Variants in SLC39A10 observed in about 807,000 individuals in gnomAD.
The protein encoded by SLC39A10 is zinc transporter ZIP10.
SLC39A10 carries 13 observed loss-of-function variants against 65.1 expected under a neutral mutation model. The ratio of observed to expected loss-of-function variants is 0.20; its 90% CI spans 0.13 to 0.32. SLC39A10 has a LOEUF of 0.32. Among genes scored for constraint, SLC39A10 ranks in the 10% least tolerant of loss-of-function variants. The pLI, the probability that SLC39A10 is intolerant of heterozygous loss-of-function variation, is 1.00. For synonymous variants in SLC39A10, 321 were observed against 342.2 expected (o/e 0.94, Z 0.68); for missense variants, 831 against 1,018.4 (o/e 0.82, Z 2.50).
chr2:195,680,658 C>T lies in SLC39A10; in HGVS notation c.616C>T (p.Arg206Cys), dbSNP rs768563641. 2.1e-5 allele frequency: 34 copies of T among 1,613,930 alleles called. No individual in the cohort carries two copies. The highest frequency in any genetic ancestry group is 2.5e-5 in the Non-Finnish European group (29 of 1,180,020). Residue 206 changes from arginine to cysteine, a missense_variant, in exon 2 of 10, where the codon CGT (arginine) becomes TGT (cysteine). Coordinates refer to ENST00000359634, the MANE Select transcript of SLC39A10 (RefSeq NM_020342.3). Reference protein sequence around the residue: ...FHNDSITPSERGEPSNEPSTE... With the variant: ...FHNDSITPSECGEPSNEPSTE... ...TAATGATTCCATTACTCCCAGTGAGCGTGGGGAGCCTAGCAATGAACCTTC... is the reference window on the plus strand; with the variant it reads ...TAATGATTCCATTACTCCCAGTGAGTGTGGGGAGCCTAGCAATGAACCTTC...
chr2:195,615,990 G>A (rs113282291), intron 2 of SLC39A10, among the ~76,000 whole-genome samples: 4,448 of 152,110 alleles, frequency 0.029, 90 homozygotes, highest in Middle Eastern at 0.058. Context: ...GCAGTTTCCC[G>A]GTTCGCCCAG....
chr2:195,695,052 G>T (rs949903235), intron 3 of SLC39A10, among the ~76,000 whole-genome samples: 1 of 152,148 alleles, frequency 6.6e-6, no homozygotes, highest in Non-Finnish European at 1.5e-5. Flanking sequence ...AGGAAGAAGA[G>T]GGGCCAGGCT....
intron 3 of SLC39A10, among the ~76,000 whole-genome samples, chr2:195,692,526 A>G (rs2105789310): frequency 6.6e-6 from 1 of 152,218 alleles, no homozygotes; most frequent in Middle Eastern, 3.4e-3. Flanking sequence ...GTCTTTCAGC[A>G]CTGTTTTATA....
intron 2 of SLC39A10, among the ~76,000 whole-genome samples, chr2:195,632,665 G>T (rs1688613019): frequency 6.6e-6 from 1 of 152,070 alleles, no homozygotes; most frequent in African/African-American, 2.4e-5. Flanking sequence ...ACGATTCATG[G>T]TTTCATCCAT....
intron 3 of SLC39A10, among the ~76,000 whole-genome samples, chr2:195,695,517 C>G (rs72913236): frequency 0.015 from 2,256 of 152,264 alleles, 31 homozygotes; most frequent in Non-Finnish European, 0.022. Flanking sequence ...GAGAACTGCC[C>G]GAGATCACCA....
At chr2:195,652,059 C>T (rs1559015942), upstream of SLC39A10, among the ~76,000 whole-genome samples, 2 of 152,024 alleles carry the variant, frequency 1.3e-5, no homozygotes. Flanking sequence ...AATACATGTA[C>T]GATGTACATT....
chr2:195,653,510 G>T (rs1049185751), upstream of SLC39A10, among the ~76,000 whole-genome samples: 4 of 152,106 alleles, frequency 2.6e-5, no homozygotes, highest in Admixed American at 6.5e-5. Flanking sequence ...TGGCCAGCTG[G>T]TCTCGAACTC....
intron 2 of SLC39A10, among the ~76,000 whole-genome samples, chr2:195,633,288 C>G (rs571280429): frequency 6.6e-6 from 1 of 152,256 alleles, no homozygotes; most frequent in African/African-American, 2.4e-5. Flanking sequence ...TGCGCTCAAC[C>G]CCTCGTGGGA....
In SLC39A10 at chr2:195,703,021, T is replaced by C. The variant is rs192451887; in HGVS notation, c.1217-3595T>C. ...TGGGAAAATGCTGCATATTGTATTCTTCTTTCAGAGATTCACATTGCTTAT... is the reference window on the plus strand; with the variant it reads ...TGGGAAAATGCTGCATATTGTATTCCTCTTTCAGAGATTCACATTGCTTAT... On this transcript the variant is annotated intron_variant, in intron 3 of 9. Transcript: ENST00000359634. Among the ~76,000 whole-genome samples the C allele has an allele frequency of 9.2e-5, 14 of 152,344 alleles. 1 individual carries two copies. In the East Asian group the frequency reaches 2.7e-3, roughly 29 times the overall value.
rs774988017 is a variant in SLC39A10, at chr2:195,728,274, G to C, written c.2262G>C (p.Gln754His). ...TGCTCATAGGCACAGCTGTTGGTCAGTATGCCAATAACATCACACTTTGGA... is the reference window on the plus strand; with the variant it reads ...TGCTCATAGGCACAGCTGTTGGTCACTATGCCAATAACATCACACTTTGGA... ...IGMLIGTAVG[Q>H]YANNITLWIF... Residue 754 changes from glutamine (Q) to histidine (H), a missense_variant, in exon 9 of 10, where the codon CAG (glutamine) becomes CAC (histidine). Physicochemically the swap from Gln to His is conservative, Grantham distance 24. Coordinates refer to ENST00000359634, the MANE Select transcript of SLC39A10 (RefSeq NM_020342.3). The surrounding 1 kb of genome is among the most constrained non-coding windows in gnomAD (Gnocchi z 4.4). 6.2e-7 allele frequency: 1 copy of C among 1,614,064 alleles called. No individual in the cohort carries two copies. The highest frequency in any genetic ancestry group is 1.7e-5 in the Admixed American group (1 of 60,026).
Position 195,728,496 on chromosome 2 carries a change from T to C in SLC39A10, c.2337+147T>C, listed in dbSNP as rs752243287. The C allele has an allele frequency of 1.4e-6, 1 of 740,620 alleles. No individual in the cohort carries two copies. The highest frequency in any genetic ancestry group is 2.7e-5 in the South Asian group (1 of 36,974). 45.9% of individuals were successfully genotyped at this position (740,620 alleles called of 1,614,324 possible). ...AATCTCTTAAGGAAGGACATTTAAG[T>C]AGGAGGTTTCCTTTTATGGAAACCA... On this transcript the variant is annotated intron_variant, in intron 9 of 9. Transcript: ENST00000359634. The surrounding 1 kb of genome is among the most constrained non-coding windows in gnomAD (Gnocchi z 4.4).
In SLC39A10 at chr2:195,728,915, T is replaced by C. The variant is rs1692334939; in HGVS notation, c.2337+566T>C. 1.6e-5 allele frequency among the ~76,000 whole-genome samples: 1 copy of C among 62,054 alleles called. No individual in the cohort carries two copies. The highest frequency in any genetic ancestry group is 5.9e-5 in the African/African-American group (1 of 17,032). The allele number at this position is 62,054 out of a possible 152,430, so 40.7% of individuals were successfully genotyped here. A position where few individuals can be genotyped will look rare whatever the true frequency, so the allele number is the denominator to read the frequency against. ...TTTTATGTTTGTTTGTTTGACTAGA[T>C]AGGACATTTACTTTTTTTTTTCTGG... is the stretch of plus-strand genomic sequence containing the variant. On this transcript the variant is annotated intron_variant, in intron 9 of 9. Transcript: ENST00000359634. This position sits in a 1 kb window ranked among gnomAD's most constrained non-coding sequence, Gnocchi z 4.4.
intron 1 of SLC39A10, among the ~76,000 whole-genome samples, chr2:195,667,964 A>G (rs1353516332): frequency 2.0e-5 from 3 of 152,252 alleles, no homozygotes; most frequent in Non-Finnish European, 4.4e-5. Context: ...TTACCATAAA[A>G]TAGAACAGAA....
chr2:195,695,744 T>C (rs1690931852), intron 3 of SLC39A10, among the ~76,000 whole-genome samples: 1 of 152,222 alleles, frequency 6.6e-6, no homozygotes, highest in Non-Finnish European at 1.5e-5. Flanking sequence ...TCCGCCATCT[T>C]AATCCGTAAT....
chr2:195,639,510 A>G (rs1024040699), intron 2 of SLC39A10, among the ~76,000 whole-genome samples: 3 of 152,160 alleles, frequency 2.0e-5, no homozygotes, highest in African/African-American at 7.2e-5. Context: ...TCTAGACTGT[A>G]CTTTTTCAAA....
chr2:195,677,956 T>C (rs547105787), intron 1 of SLC39A10, among the ~76,000 whole-genome samples: 1 of 152,250 alleles, frequency 6.6e-6, no homozygotes, highest in South Asian at 2.1e-4. Flanking sequence ...CCATGTTTGC[T>C]AGGCCTGTCT....
chr2:195,681,107 A>C (rs1188867951), intron 2 of SLC39A10, 57 bp downstream of exon 2: 5 of 1,512,200 alleles, frequency 3.3e-6, no homozygotes, highest in Non-Finnish European at 3.6e-6. Context: ...ATTGTGGTGC[A>C]TTTTAAAAAC....
chr2:195,713,542 A>G lies in SLC39A10; in HGVS notation c.1685A>G (p.Lys562Arg), dbSNP rs1220432356. The stretch of plus-strand genomic sequence containing the variant: ...CCAGATTCTGACTGGCTTCAACTCA[A>G]GCCTCTTGCCGGTAGACAGCAATTC... ...NTPDSDWLQL[K>R]PLAGTDDSVV... The change falls in exon 6 of 10, where the codon AAG becomes AGG. Residue 562 changes from lysine (K) to arginine (R), a missense_variant. Physicochemically the swap from Lys to Arg is conservative, Grantham distance 26. This residue lies in a region of SLC39A10 where 230 missense variants were observed against 242.9 expected (regional missense o/e 0.95). Coordinates refer to ENST00000359634, the MANE Select transcript of SLC39A10 (RefSeq NM_020342.3). 2 of 1,559,690 alleles carry G rather than the reference A, an allele frequency of 1.3e-6. No individual in the cohort carries two copies. Among genetic ancestry groups the G allele is most frequent in the South Asian group, 1.2e-5 (1 of 80,572 alleles).
intron 2 of SLC39A10, among the ~76,000 whole-genome samples, chr2:195,626,938 C>T (rs149111788): frequency 1.3e-4 from 20 of 152,224 alleles, no homozygotes; most frequent in Non-Finnish European, 2.8e-4. Context: ...CCTGGAGATA[C>T]GGTTTCTCTC....
Sources: gnomAD v4.1 joint callset for allele counts (sites outside exome capture counted in the v4.1 genomes callset) on GRCh38, gnomAD v4.1.1 for gene constraint, gnomAD v4.1.1 regional missense constraint, Gnocchi (gnomAD v3.1) non-coding constraint, MANE v1.5 for transcripts, NCBI Gene and HGNC (gene_info 2026-07-23, HGNC 2026-07-21) for gene names.